The following CYTH3 variants were observed in gnomAD, a reference collection of about 807,000 sequenced individuals.
CYTH3 encodes cytohesin 3.
CYTH3 carries 23 observed loss-of-function variants against 55.1 expected under a neutral mutation model. The observed-to-expected ratio is 0.42, with a 90% confidence interval of 0.30 to 0.59. The LOEUF is 0.59. CYTH3 is among the 20% of genes least tolerant of loss of function. The probability of loss-of-function intolerance (pLI) is 0.20; values close to 1 mark genes in which losing one functional copy is unlikely to be tolerated. For missense variants in CYTH3, 413 were observed against 524.8 expected (o/e 0.79, Z 2.08); for synonymous variants, 249 against 194.9 (o/e 1.28, Z -2.31).
At chr7:6,180,863 T>C (rs1783488586) in intron 4 of CYTH3, among the ~76,000 whole-genome samples, 1 of 152,222 alleles carries the variant, frequency 6.6e-6, no homozygotes, top group African/African-American at 2.4e-5. Flanking sequence ...TTATTTTATA[T>C]TATTTTATTA....
At chr7:6,231,912 C>T (rs1176841850) in intron 1 of CYTH3, among the ~76,000 whole-genome samples, 1 of 152,310 alleles carries the variant, frequency 6.6e-6, no homozygotes, top group East Asian at 1.9e-4. Context: ...TCGGAACAGG[C>T]TCTCCAACGA....
At chr7:6,165,201 T>C in intron 12 of CYTH3, 72 bp downstream of exon 12, 1 of 1,570,966 alleles carries the variant, frequency 6.4e-7, no homozygotes, top group Non-Finnish European at 8.6e-7. Context: ...AGCATCCATG[T>C]TCCAGACCAT....
chr7:6,206,326 C>T (rs1478114660), intron 1 of CYTH3, among the ~76,000 whole-genome samples: 1 of 152,196 alleles, frequency 6.6e-6, no homozygotes, highest in African/African-American at 2.4e-5. Context: ...GAACACGATG[C>T]TAGGTGAAAT....
At chr7:6,269,234 G>A (rs1204834140) in intron 1 of CYTH3, among the ~76,000 whole-genome samples, 2 of 152,164 alleles carry the variant, frequency 1.3e-5, no homozygotes, top group Non-Finnish European at 2.9e-5. Flanking sequence ...CCTGCCTGTG[G>A]CTACTTTACA....
chr7:6,230,268 GATTAT>G, intron 1 of CYTH3, among the ~76,000 whole-genome samples: 1 of 152,248 alleles, frequency 6.6e-6, no homozygotes, highest in South Asian at 2.1e-4. Context: ...TTATTGTTCT[GATTAT>G]ATTAACCACT....
chr7:6,166,905 G>A (rs1783025979), intron 9 of CYTH3, among the ~76,000 whole-genome samples: 1 of 152,140 alleles, frequency 6.6e-6, no homozygotes, highest in African/African-American at 2.4e-5. Context: ...AGTCTCATCA[G>A]TGTCCCACCA....
At chr7:6,256,176 C>G (rs1215434627) in intron 1 of CYTH3, among the ~76,000 whole-genome samples, 5 of 152,206 alleles carry the variant, frequency 3.3e-5, no homozygotes, top group Non-Finnish European at 5.9e-5. Flanking sequence ...CTGATCCAAT[C>G]AACTACATTT....
rs543296212 is a variant in CYTH3, at chr7:6,257,517, T to G, written c.34+14957A>C. Among the ~76,000 whole-genome samples the G allele has an allele frequency of 1.5e-4, 23 of 152,308 alleles. No homozygotes were observed. The Middle Eastern group carries it at 0.024, about 158-fold the overall frequency. ...TACACGTTAAAATACACATAAAGAT[T>G]TGCCAAATGAAACAATGTATTTCTA... On this transcript the variant is annotated intron_variant, in intron 1 of 12. Coordinates refer to ENST00000350796, the MANE Select transcript of CYTH3 (RefSeq NM_004227.4).
intron 1 of CYTH3, among the ~76,000 whole-genome samples, chr7:6,255,985 G>A (rs373103819): frequency 3.9e-5 from 6 of 151,938 alleles, no homozygotes; most frequent in African/African-American, 7.2e-5. Context: ...GGATGGTCTC[G>A]ATCTCCTGAC....
At chr7:6,186,058 C>T (rs554188798) in intron 4 of CYTH3, among the ~76,000 whole-genome samples, 5 of 151,862 alleles carry the variant, frequency 3.3e-5, no homozygotes, top group Admixed American at 6.5e-5. Flanking sequence ...TCCTGGCTAA[C>T]ACAGTGAAAC....
At chr7:6,198,820 A>C (rs1015087652) in intron 1 of CYTH3, among the ~76,000 whole-genome samples, 4 of 151,510 alleles carry the variant, frequency 2.6e-5, no homozygotes, top group Admixed American at 1.3e-4. Flanking sequence ...CTGGTCTGGC[A>C]TGAAATCTCT....
At position 6,222,968 on chromosome 7, in the gene CYTH3, A is replaced by G. The variant is rs183616423; in HGVS notation, c.35-32437T>C. 3.9e-5 allele frequency among the ~76,000 whole-genome samples: 6 copies of G among 152,362 alleles called. No homozygotes were observed. The East Asian group carries it at 1.2e-3, about 29-fold the overall frequency. ...ATCAATCAATAATTAATAAATGTAA[A>G]GTGAACTAAACACTTGCTGGCAGCC... On this transcript the variant is annotated intron_variant, in intron 1 of 12. Transcript: ENST00000350796.
chr7:6,185,640 C>T (rs868677462), intron 4 of CYTH3, among the ~76,000 whole-genome samples: 3 of 150,284 alleles, frequency 2.0e-5, no homozygotes, highest in Non-Finnish European at 4.4e-5. Context: ...GTGGAGCTTG[C>T]GGTGGGCCGA....
chr7:6,173,149 C>T, intron 6 of CYTH3: 1 of 806,392 alleles, frequency 1.2e-6, no homozygotes, highest in Non-Finnish European at 1.5e-6. Context: ...GGAAGCGAGA[C>T]AACTTCCTGC....
At chr7:6,261,785 G>T (rs1223806750) in intron 1 of CYTH3, among the ~76,000 whole-genome samples, 1 of 148,992 alleles carries the variant, frequency 6.7e-6, no homozygotes, top group Non-Finnish European at 1.5e-5. Context: ...GCAGGGTCTT[G>T]AATTATCTCT....
chr7:6,221,720 C>T (rs755864231), intron 1 of CYTH3, among the ~76,000 whole-genome samples: 4 of 152,034 alleles, frequency 2.6e-5, no homozygotes, highest in Non-Finnish European at 2.9e-5. Flanking sequence ...AAAATTAGGC[C>T]AGGCATGGTG....
intron 1 of CYTH3, among the ~76,000 whole-genome samples, chr7:6,226,429 T>G (rs1239175676): frequency 6.6e-6 from 1 of 152,138 alleles, no homozygotes; most frequent in African/African-American, 2.4e-5. Context: ...AATGTTTAGA[T>G]GAGGGTGGGG....
intron 1 of CYTH3, among the ~76,000 whole-genome samples, chr7:6,268,465 C>T (rs780127974): frequency 3.3e-5 from 5 of 152,184 alleles, no homozygotes; most frequent in African/African-American, 9.7e-5. Flanking sequence ...CCGCCGCGCC[C>T]GGCCTGCTCT....
intron 5 of CYTH3, among the ~76,000 whole-genome samples, chr7:6,176,254 ATTTTTTTTT>A (rs776819156): frequency 2.4e-5 from 2 of 82,868 alleles, no homozygotes; most frequent in Non-Finnish European, 4.4e-5. Flanking sequence ...AATACAATTG[ATTTTTTTTT>A]TTTTTTTTTT....
Sources: allele counts gnomAD v4.1 joint callset (sites outside exome capture counted in the v4.1 genomes callset), GRCh38; gene constraint gnomAD v4.1.1; transcripts MANE v1.5; gene names NCBI Gene and HGNC (gene_info 2026-07-23, HGNC 2026-07-21).